The following RAB3GAP2 variants were observed in gnomAD, a reference collection of about 807,000 sequenced individuals.
RAB3GAP2 encodes the protein rab3 GTPase-activating protein non-catalytic subunit.
A neutral mutation model predicts 185.3 loss-of-function variants in RAB3GAP2; 87 were observed. The observed-to-expected ratio is 0.47, with a 90% CI of 0.39 to 0.56. The LOEUF (loss-of-function observed/expected upper bound fraction) is 0.56, where lower values mean the gene tolerates loss of function less well. Ranked by LOEUF, RAB3GAP2 falls within the 20% of genes least tolerant of loss-of-function variation. The pLI is 0.00. For synonymous variants in RAB3GAP2, 554 were observed against 576.1 expected (o/e 0.96, Z 0.55); for missense variants, 1,492 against 1,638.2 (o/e 0.91, Z 1.54).
At chr1:220,164,679 T>C in intron 27 of RAB3GAP2, 54 bp downstream of exon 27, 3 of 1,567,448 alleles carry the variant, frequency 1.9e-6, no homozygotes, top group Non-Finnish European at 2.6e-6. Context: ...TCCTGTTAAA[T>C]CAGGAAGCCT....
chr1:220,209,448 A>T (rs368807782), intron 7 of RAB3GAP2, among the ~76,000 whole-genome samples: 253 of 152,262 alleles, frequency 1.7e-3, no homozygotes, highest in African/African-American at 5.8e-3. Context: ...TCAAGGTTTA[A>T]TGCAAATCTC....
chr1:220,193,500 T>C, intron 12 of RAB3GAP2, 121 bp from the exon 13 acceptor site: 2 of 932,072 alleles, frequency 2.1e-6, no homozygotes, highest in South Asian at 1.6e-5. Flanking sequence ...AATATGAATT[T>C]TACCTGGATT....
intron 8 of RAB3GAP2, 114 bp from the exon 9 acceptor site, chr1:220,202,488 C>G: frequency 9.2e-7 from 1 of 1,085,236 alleles, no homozygotes; most frequent in African/African-American, 1.6e-5. Context: ...AATAATGACA[C>G]AAAGTAATGA....
At chr1:220,267,797 A>G (rs2102538202) in intron 1 of RAB3GAP2, 4 of 1,440,498 alleles carry the variant, frequency 2.8e-6, no homozygotes, top group Middle Eastern at 1.8e-4. Context: ...CCTGGCCACT[A>G]TTTGCAGGTA....
intron 21 of RAB3GAP2, among the ~76,000 whole-genome samples, chr1:220,180,533 G>C (rs1056200680): frequency 4.6e-5 from 7 of 152,136 alleles, no homozygotes; most frequent in African/African-American, 1.4e-4. Context: ...AACAGCAGTA[G>C]AGAAACAGAA....
In RAB3GAP2 at chr1:220,157,863, C is replaced by A; in HGVS notation, c.3275G>T (p.Ser1092Ile). The change falls in exon 30 of 35, where the codon AGT becomes ATT. Residue 1092 changes from serine (S) to isoleucine (I), a missense_variant. Physicochemically the swap from Ser to Ile is moderately radical, Grantham distance 142. Around this residue, in one of 5 missense-constraint regions of RAB3GAP2, gnomAD observed 387 missense variants for 455.3 expected, o/e 0.85. Coordinates refer to ENST00000358951, the MANE Select transcript of RAB3GAP2 (RefSeq NM_012414.4). ...DRLCRRDVGM[S>I]DTAMTSFLGS... ...GAGGAAAGATGTCATTGCTGTGTCA[C>A]TCATTCCCACATCCTGTTTTTTAAA... 1 of 1,613,164 alleles carries A rather than the reference C, an allele frequency of 6.2e-7. No individual in the cohort carries two copies. The highest frequency in any genetic ancestry group is 8.5e-7 in the Non-Finnish European group (1 of 1,179,246).
At chr1:220,186,705 T>C (rs1353391968) in intron 17 of RAB3GAP2, among the ~76,000 whole-genome samples, 1 of 152,196 alleles carries the variant, frequency 6.6e-6, no homozygotes, top group Non-Finnish European at 1.5e-5. Flanking sequence ...CTTTTGTTAC[T>C]GGGTTTTCTA....
intron 2 of RAB3GAP2, among the ~76,000 whole-genome samples, chr1:220,214,603 C>T (rs1016173946): frequency 4.6e-5 from 7 of 151,424 alleles, no homozygotes; most frequent in African/African-American, 1.5e-4. Flanking sequence ...ATCCTATTTA[C>T]AAAGAGATAG....
At chr1:220,180,318 T>C (rs1039829598) in intron 21 of RAB3GAP2, among the ~76,000 whole-genome samples, 4 of 151,620 alleles carry the variant, frequency 2.6e-5, no homozygotes, top group East Asian at 1.9e-4. Flanking sequence ...ATAAATGAAA[T>C]TGAGAATAAA....
In RAB3GAP2 at chr1:220,153,465, TA is replaced by T. The variant is rs748592783; in HGVS notation, c.3646-60del. ...TGTTACTGTTTCATTTTAAAATACC[TA>T]AACCAAGTATTGTTAGCTTTTCTGT... On this transcript the variant is annotated intron_variant, in intron 32 of 34. Transcript: ENST00000358951. 370 of 1,454,562 alleles carry T rather than the reference TA, an allele frequency of 2.5e-4. 1 individual carries two copies. Among genetic ancestry groups the T allele is most frequent in the Non-Finnish European group, 3.5e-4 (358 of 1,035,484 alleles). The allele number at this position is 1,454,562 out of a possible 1,614,324, so 90.1% of individuals were successfully genotyped here. A position where few individuals can be genotyped will look rare whatever the true frequency, so the allele number is the denominator to read the frequency against.
chr1:220,229,740 C>T (rs1400749887), intron 2 of RAB3GAP2, among the ~76,000 whole-genome samples: 1 of 152,168 alleles, frequency 6.6e-6, no homozygotes. Context: ...TACTATAGCT[C>T]AGCACCAGCA....
chr1:220,214,763 C>T (rs1659153371), intron 2 of RAB3GAP2, among the ~76,000 whole-genome samples: 1 of 151,204 alleles, frequency 6.6e-6, no homozygotes, highest in South Asian at 2.1e-4. Flanking sequence ...AGGTAAATCC[C>T]CATGGTTAAA....
At chr1:220,263,054 T>C (rs949855535) in intron 1 of RAB3GAP2, among the ~76,000 whole-genome samples, 1 of 152,098 alleles carries the variant, frequency 6.6e-6, no homozygotes, top group Admixed American at 6.5e-5. Flanking sequence ...ATTAGTGATG[T>C]TAAGCATCTT....
rs182742196 is a variant in RAB3GAP2, at chr1:220,196,793, C to T, written c.812-395G>A. Reference sequence around the variant, plus strand: ...TTGCAGTAAGCTGAGGTCACACCAACTGCACTCCAGCCTGGGCAACAGGGC... The same window carrying T: ...TTGCAGTAAGCTGAGGTCACACCAATTGCACTCCAGCCTGGGCAACAGGGC... On this transcript the variant is annotated intron_variant, in intron 9 of 34. Coordinates refer to ENST00000358951, the MANE Select transcript of RAB3GAP2 (RefSeq NM_012414.4). Among the ~76,000 whole-genome samples, 193 of 151,788 alleles carry T rather than the reference C, an allele frequency of 1.3e-3. 1 individual carries two copies. The highest frequency in any genetic ancestry group is 4.0e-3 in the African/African-American group (165 of 41,430).
intron 1 of RAB3GAP2, among the ~76,000 whole-genome samples, chr1:220,257,454 A>G (rs1660053077): frequency 6.6e-6 from 1 of 152,174 alleles, no homozygotes; most frequent in South Asian, 2.1e-4. Flanking sequence ...AGCAAATTGA[A>G]CAACCTGCTC....
At chr1:220,192,596 G>C (rs577056405) in intron 13 of RAB3GAP2, among the ~76,000 whole-genome samples, 1 of 152,196 alleles carries the variant, frequency 6.6e-6, no homozygotes, top group East Asian at 1.9e-4. Context: ...AAGGGACTTC[G>C]GGGAATATCT....
intron 1 of RAB3GAP2, chr1:220,253,708 A>C: frequency 6.2e-7 from 1 of 1,609,148 alleles, no homozygotes; most frequent in Non-Finnish European, 8.5e-7. Flanking sequence ...CATACATTAC[A>C]GTGGTTGGAA....
Position 220,189,712 on chromosome 1 carries a change from G to A in RAB3GAP2, c.1770C>T (p.Thr590=). 6.4e-7 allele frequency: 1 copy of A among 1,558,558 alleles called. No homozygotes were observed. The highest frequency in any genetic ancestry group is 8.8e-7 in the Non-Finnish European group (1 of 1,139,854). Residue 590 remains threonine (T), a synonymous_variant, in exon 17 of 35, where the codon ACC becomes ACT. Transcript: ENST00000358951. ...TATTATATACACTTACTTGTTTTTT[G>A]GTTGCAGGGTATTTAATATCAAGAA... ...ELILDIKYPA[T]KKQALESILA... is the part of the protein sequence containing the mutation.
At position 220,172,053 on chromosome 1, in the gene RAB3GAP2, T is replaced by C. The variant is rs577016598; in HGVS notation, c.2417-4A>G. On this transcript the variant is annotated splice_region_variant and splice_polypyrimidine_tract_variant and intron_variant, in intron 22 of 34. Transcript: ENST00000358951. ...TCCCAGGTCTCATCGATGGCCACTA[T>C]AGGGATAGGAGAAAACAGAAAAATA... is the stretch of plus-strand genomic sequence containing the variant. 5.8e-5 allele frequency: 94 copies of C among 1,614,046 alleles called. 1 individual carries two copies. In the East Asian group the frequency reaches 1.9e-3, roughly 33 times the overall value.
Sources: allele counts gnomAD v4.1 joint callset (sites outside exome capture counted in the v4.1 genomes callset), GRCh38; gene constraint gnomAD v4.1.1; regional missense constraint gnomAD v4.1.1; transcripts MANE v1.5; gene names NCBI Gene and HGNC (gene_info 2026-07-23, HGNC 2026-07-21).